Variants in LUZP2 observed in about 807,000 individuals in gnomAD.
LUZP2 encodes leucine zipper protein 2.
In LUZP2, 52 loss-of-function variants were observed where a neutral mutation model predicts 51.6. The ratio of observed to expected loss-of-function variants is 1.01; its 90% confidence interval spans 0.81 to 1.27. The LOEUF (loss-of-function observed/expected upper bound fraction) is 1.27. LUZP2 is among the 50% of genes most tolerant of loss of function. The pLI is 0.00. For synonymous variants in LUZP2, 154 were observed against 137.3 expected (o/e 1.12, Z -0.85); for missense variants, 436 against 395.4 (o/e 1.10, Z -0.87).
intron 5 of LUZP2, among the ~76,000 whole-genome samples, chr11:24,876,923 G>T (rs547933711): frequency 1.3e-5 from 2 of 152,092 alleles, no homozygotes; most frequent in Non-Finnish European, 2.9e-5. Context: ...AAATGAGAAG[G>T]GGTCTGGTTC....
chr11:24,991,376 ATGTG>A (rs745691448), intron 9 of LUZP2, among the ~76,000 whole-genome samples: 3,132 of 125,968 alleles, frequency 0.025, 86 homozygotes, highest in South Asian at 0.099. Context: ...GTGTATATAT[ATGTG>A]TGTGTGTGTG....
chr11:24,818,686 C>T (rs1485806861), intron 5 of LUZP2, among the ~76,000 whole-genome samples: 1 of 151,964 alleles, frequency 6.6e-6, no homozygotes, highest in East Asian at 1.9e-4. Context: ...ATATATCATG[C>T]TCTATGTTAT....
At chr11:24,950,707 G>A (rs1405009920) in intron 7 of LUZP2, among the ~76,000 whole-genome samples, 2 of 151,536 alleles carry the variant, frequency 1.3e-5, no homozygotes, top group South Asian at 4.1e-4. Context: ...AAGAAAAAAA[G>A]CACCAGTTTT....
chr11:24,805,662 G>GA (rs1381104802), intron 5 of LUZP2, among the ~76,000 whole-genome samples: 1 of 152,092 alleles, frequency 6.6e-6, no homozygotes, highest in Non-Finnish European at 1.5e-5. Context: ...TTTAATCTTT[G>GA]AAAATTAGAA....
intron 1 of LUZP2, among the ~76,000 whole-genome samples, chr11:24,683,600 T>C (rs1221189837): frequency 6.6e-6 from 1 of 152,230 alleles, no homozygotes; most frequent in African/African-American, 2.4e-5. Context: ...ATACCATACT[T>C]TACATAGCAT....
intron 1 of LUZP2, among the ~76,000 whole-genome samples, chr11:24,558,608 T>C (rs1043610195): frequency 2.0e-5 from 3 of 152,192 alleles, no homozygotes; most frequent in African/African-American, 7.2e-5. Flanking sequence ...TTTTGTTTCT[T>C]CCAAAATTCT....
rs548589467 is a variant in LUZP2 at position 24,796,253 on chromosome 11, A to G, written c.396+32945A>G. 1.8e-4 allele frequency among the ~76,000 whole-genome samples: 28 copies of G among 152,112 alleles called. No homozygotes were observed. The East Asian group carries it at 5.2e-3, about 29-fold the overall frequency. ...ATGCAAAGCAAGTTCTATTCTTCTG[A>G]AATCACATGGGTTAGTCTTTTTGAA... On this transcript the variant is annotated intron_variant, in intron 5 of 11. Transcript: ENST00000336930.
chr11:25,030,668 A>T (rs994944732), intron 9 of LUZP2, among the ~76,000 whole-genome samples: 1 of 151,296 alleles, frequency 6.6e-6, no homozygotes, highest in African/African-American at 2.4e-5. Context: ...TCTTAATTAC[A>T]TAAGAGATAA....
intron 1 of LUZP2, among the ~76,000 whole-genome samples, chr11:24,600,159 T>C (rs1449372181): frequency 6.8e-6 from 1 of 146,568 alleles, no homozygotes; most frequent in Non-Finnish European, 1.5e-5. Context: ...CAAGAGGATA[T>C]ATAATGTAGA....
At chr11:25,033,196 A>C (rs906942491) in intron 9 of LUZP2, among the ~76,000 whole-genome samples, 1 of 152,298 alleles carries the variant, frequency 6.6e-6, no homozygotes, top group East Asian at 1.9e-4. Flanking sequence ...AACATATAAG[A>C]AGAACTTTAG....
chr11:24,725,335 G>A (rs1010639206), intron 1 of LUZP2, among the ~76,000 whole-genome samples: 1 of 152,056 alleles, frequency 6.6e-6, no homozygotes, highest in Non-Finnish European at 1.5e-5. Context: ...ATCAGCAGGG[G>A]AAGTATTGTA....
At chr11:24,753,088 T>C (rs1565118079) in intron 4 of LUZP2, among the ~76,000 whole-genome samples, 1 of 152,066 alleles carries the variant, frequency 6.6e-6, no homozygotes, top group Non-Finnish European at 1.5e-5. Flanking sequence ...TAAAATAAAG[T>C]AAAACCATTA....
chr11:24,809,551 G>T (rs1342397904), intron 5 of LUZP2, among the ~76,000 whole-genome samples: 1 of 152,064 alleles, frequency 6.6e-6, no homozygotes, highest in Non-Finnish European at 1.5e-5. Flanking sequence ...GGAGAAATAG[G>T]CTTCATAAGA....
At chr11:24,650,864 C>A (rs1187170858) in intron 1 of LUZP2, among the ~76,000 whole-genome samples, 2 of 152,008 alleles carry the variant, frequency 1.3e-5, no homozygotes, top group Non-Finnish European at 2.9e-5. Flanking sequence ...TCATGGAGTT[C>A]TTAAATACAT....
At chr11:24,951,672 A>G (rs1855084319) in intron 7 of LUZP2, among the ~76,000 whole-genome samples, 1 of 151,540 alleles carries the variant, frequency 6.6e-6, no homozygotes. Context: ...TTATGCTACT[A>G]GAGATCAGTA....
intron 5 of LUZP2, among the ~76,000 whole-genome samples, chr11:24,798,878 G>A (rs1849617632): frequency 6.6e-6 from 1 of 152,064 alleles, no homozygotes; most frequent in South Asian, 2.1e-4. Flanking sequence ...CCAAAGAAGT[G>A]CCACCAGTGC....
intron 1 of LUZP2, among the ~76,000 whole-genome samples, chr11:24,541,103 A>C (rs548371748): frequency 1.3e-5 from 2 of 151,774 alleles, no homozygotes; most frequent in African/African-American, 4.8e-5. Flanking sequence ...AAATACAAAA[A>C]TTAGCCGGGC....
intron 1 of LUZP2, among the ~76,000 whole-genome samples, chr11:24,631,320 G>A (rs1202225888): frequency 1.3e-5 from 2 of 151,072 alleles, no homozygotes; most frequent in Non-Finnish European, 3.0e-5. Flanking sequence ...TTGGCTATAG[G>A]TTTGTTGTAT....
chr11:24,573,446 T>C (rs112653282), intron 1 of LUZP2, among the ~76,000 whole-genome samples: 1,897 of 151,750 alleles, frequency 0.013, 26 homozygotes, highest in Non-Finnish European at 0.018. Context: ...TCATGAGGAT[T>C]ACCTTTTAAA....
Sources: gnomAD v4.1 joint callset for allele counts (sites outside exome capture counted in the v4.1 genomes callset) on GRCh38, gnomAD v4.1.1 for gene constraint, MANE v1.5 for transcripts, NCBI Gene and HGNC (gene_info 2026-07-23, HGNC 2026-07-21) for gene names.